The following STUM variants were observed in gnomAD, a reference collection of about 807,000 sequenced individuals.
The protein encoded by STUM is protein stum homolog.
Under a neutral mutation model 15.3 loss-of-function variants are expected in STUM, and 8 were observed. That is an observed-to-expected ratio of 0.52 (90% CI 0.31 to 0.94). The LOEUF is 0.94. STUM is among the 40% of genes least tolerant of loss of function. The pLI, the probability that STUM is intolerant of heterozygous loss-of-function variation, is 0.05. For synonymous variants in STUM, 78 were observed against 88.7 expected, an observed-to-expected ratio of 0.88 and a Z score of 0.68; for missense variants, 142 against 204.9, an observed-to-expected ratio of 0.69 and a Z score of 1.87.
chr1:226,561,424 G>A (rs1667541359), intron 1 of STUM, among the ~76,000 whole-genome samples: 1 of 152,102 alleles, frequency 6.6e-6, no homozygotes, highest in South Asian at 2.1e-4. Flanking sequence ...AGTTCTCAGG[G>A]CTGCATGCAG....
At chr1:226,575,194 C>G (rs1304220286) in intron 1 of STUM, among the ~76,000 whole-genome samples, 1 of 152,234 alleles carries the variant, frequency 6.6e-6, no homozygotes. Flanking sequence ...GACCACTGCT[C>G]TGCACCTCAC....
intron 1 of STUM, among the ~76,000 whole-genome samples, chr1:226,579,559 C>A (rs6673034): frequency 0.51 from 76,690 of 151,524 alleles, 20,003 homozygotes; most frequent in African/African-American, 0.63. Context: ...GAGGCCTCCC[C>A]AGGAAGCCTC....
intron 1 of STUM, among the ~76,000 whole-genome samples, chr1:226,584,526 G>C (rs943821989): frequency 2.6e-5 from 4 of 152,232 alleles, no homozygotes; most frequent in African/African-American, 9.6e-5. Context: ...CTTGGGACTG[G>C]AGTCCTTTCC....
intron 1 of STUM, among the ~76,000 whole-genome samples, chr1:226,580,798 C>A (rs1166585818): frequency 1.3e-5 from 2 of 152,182 alleles, no homozygotes; most frequent in African/African-American, 4.8e-5. Flanking sequence ...CACCATTGTG[C>A]CCCCAGCACC....
chr1:226,555,385 C>T lies in STUM; in HGVS notation c.202+6279C>T, dbSNP rs184507372. ...AAACCAAAAGGCATCCTAGACATAACGCATCCAAAACCAAACTCCTGGTCT... is the reference window on the plus strand; with the variant it reads ...AAACCAAAAGGCATCCTAGACATAATGCATCCAAAACCAAACTCCTGGTCT... On this transcript the variant is annotated intron_variant, in intron 1 of 3. Transcript: ENST00000366788. Among the ~76,000 whole-genome samples, 420 of 152,342 alleles carry T rather than the reference C, an allele frequency of 2.8e-3. 3 individuals carry two copies. Among genetic ancestry groups the T allele is most frequent in the African/African-American group, 9.7e-3 (405 of 41,578 alleles).
chr1:226,568,526 AAC>A (rs1372856410), intron 1 of STUM, among the ~76,000 whole-genome samples: 1 of 152,256 alleles, frequency 6.6e-6, no homozygotes, highest in Non-Finnish European at 1.5e-5. Context: ...CTCTTCCTTC[AAC>A]ACACATTTAA....
intron 1 of STUM, among the ~76,000 whole-genome samples, chr1:226,579,904 G>C (rs940768294): frequency 6.6e-6 from 1 of 152,254 alleles, no homozygotes; most frequent in African/African-American, 2.4e-5. Context: ...GATTACAGGC[G>C]TGAGCCACCC....
chr1:226,549,480 C>T lies in STUM; in HGVS notation c.202+374C>T, dbSNP rs540216342. ...TGTGCATCCGTCCGCGAGCCCACTT[C>T]CCCGAGAGGAATGGGGTCGGATCAG... On this transcript the variant is annotated intron_variant, in intron 1 of 3. Transcript: ENST00000366788. This position sits in a 1 kb window ranked among gnomAD's most constrained non-coding sequence, Gnocchi z 6.8. Among the ~76,000 whole-genome samples the T allele has an allele frequency of 6.6e-6, 1 of 152,336 alleles. No homozygotes were observed. The highest frequency in any genetic ancestry group is 2.1e-4 in the South Asian group (1 of 4,830).
At chr1:226,579,962 G>T (rs1316435437) in intron 1 of STUM, among the ~76,000 whole-genome samples, 1 of 152,108 alleles carries the variant, frequency 6.6e-6, no homozygotes, top group East Asian at 1.9e-4. Flanking sequence ...AGCAGCCGAA[G>T]GATAATCATA....
At chr1:226,550,283 C>G (rs1476026877) in intron 1 of STUM, among the ~76,000 whole-genome samples, 4 of 152,248 alleles carry the variant, frequency 2.6e-5, no homozygotes. Flanking sequence ...ACGCAGGACC[C>G]GTTCACTTTC....
intron 1 of STUM, among the ~76,000 whole-genome samples, chr1:226,576,731 A>T (rs1667821553): frequency 6.6e-6 from 1 of 151,642 alleles, no homozygotes; most frequent in Non-Finnish European, 1.5e-5. Context: ...TGAGCTGCCC[A>T]CTCCCCCCTC....
chr1:226,571,567 TA>T (rs1667712048), intron 1 of STUM, among the ~76,000 whole-genome samples: 1 of 152,172 alleles, frequency 6.6e-6, no homozygotes, highest in African/African-American at 2.4e-5. Context: ...TTTTTGCAGT[TA>T]TAGTTCATGG....
At chr1:226,589,554 C>A (rs1406072583) in intron 1 of STUM, among the ~76,000 whole-genome samples, 1 of 152,192 alleles carries the variant, frequency 6.6e-6, no homozygotes, top group African/African-American at 2.4e-5. Context: ...GGAGGACTTC[C>A]CCAGGCCTCT....
In STUM at chr1:226,565,889, A is replaced by G. The variant is rs1008700005; in HGVS notation, c.202+16783A>G. On this transcript the variant is annotated intron_variant, in intron 1 of 3. Transcript: ENST00000366788. The surrounding 1 kb of genome is among the most constrained non-coding windows in gnomAD (Gnocchi z 4.4). The stretch of plus-strand genomic sequence containing the variant: ...TCTCCCTCTTTCACCTGGAGCCTTC[A>G]TTTTGGAAGGTGCAACAGCTGCCCA... 1.3e-5 allele frequency among the ~76,000 whole-genome samples: 2 copies of G among 152,160 alleles called. No homozygotes were observed. The highest frequency in any genetic ancestry group is 2.9e-5 in the Non-Finnish European group (2 of 68,026).
At chr1:226,562,087 C>T (rs1328234868) in intron 1 of STUM, among the ~76,000 whole-genome samples, 1 of 151,946 alleles carries the variant, frequency 6.6e-6, no homozygotes, top group Non-Finnish European at 1.5e-5. Context: ...TCTAAATGTT[C>T]TAAAATTGAT....
rs1668397810 is a variant in STUM, at chr1:226,608,515, T to G, written c.*6475T>G. Reference sequence around the variant, plus strand: ...TCAACTTAATTTGCATATGAATGAGTGTTGTGTTGTGATTTGCAGTGTTTT... The same window carrying G: ...TCAACTTAATTTGCATATGAATGAGGGTTGTGTTGTGATTTGCAGTGTTTT... On this transcript the variant is annotated 3_prime_UTR_variant, in exon 4 of 4. Coordinates refer to ENST00000366788, the MANE Select transcript of STUM (RefSeq NM_001003665.4). This position sits in a 1 kb window ranked among gnomAD's most constrained non-coding sequence, Gnocchi z 4.0. 3 of 151,728 alleles carry G rather than the reference T, an allele frequency of 2.0e-5. No homozygotes were observed. The South Asian group carries it at 6.2e-4, about 31-fold the overall frequency. The allele number at this position is 151,728 out of a possible 1,614,324, so 9.4% of individuals were successfully genotyped here. A position where few individuals can be genotyped will look rare whatever the true frequency, so the allele number is the denominator to read the frequency against.
rs1668382263 is a variant in STUM at position 226,607,557 on chromosome 1, C to T, written c.*5517C>T. 6.6e-6 allele frequency: 1 copy of T among 152,524 alleles called. No homozygotes were observed. The highest frequency in any genetic ancestry group is 1.5e-5 in the Non-Finnish European group (1 of 68,286). 9.4% of individuals were successfully genotyped at this position (152,524 alleles called of 1,614,324 possible). On this transcript the variant is annotated 3_prime_UTR_variant, in exon 4 of 4. Transcript: ENST00000366788. Reference sequence around the variant, plus strand: ...CCGGGCAAGGGCTGTCCGCTCCTGCCCAGGCCTCACCTCCTCGCTGCAGCT... The same window carrying T: ...CCGGGCAAGGGCTGTCCGCTCCTGCTCAGGCCTCACCTCCTCGCTGCAGCT...
intron 1 of STUM, among the ~76,000 whole-genome samples, chr1:226,576,958 C>A (rs529973140): frequency 4.6e-5 from 7 of 152,348 alleles, no homozygotes; most frequent in African/African-American, 1.7e-4. Flanking sequence ...CTACAGCAAA[C>A]ATAGCTACCC....
At chr1:226,577,424 CG>C (rs1667835134) in intron 1 of STUM, among the ~76,000 whole-genome samples, 1 of 152,118 alleles carries the variant, frequency 6.6e-6, no homozygotes, top group Non-Finnish European at 1.5e-5. Flanking sequence ...AATGAAGCCT[CG>C]GGAAGTCTCC....
Sources: allele counts gnomAD v4.1 joint callset (sites outside exome capture counted in the v4.1 genomes callset), GRCh38; gene constraint gnomAD v4.1.1; non-coding constraint Gnocchi (gnomAD v3.1); transcripts MANE v1.5; gene names NCBI Gene and HGNC (gene_info 2026-07-23, HGNC 2026-07-21).